LRRC4C: variants seen among roughly 807,000 people sequenced by gnomAD.
LRRC4C encodes the protein leucine-rich repeat-containing protein 4C.
Under a neutral mutation model 33.6 loss-of-function variants are expected in LRRC4C, and 5 were observed. The observed-to-expected ratio is 0.15, with a 90% CI of 0.08 to 0.31. The LOEUF is 0.31. Ranked by LOEUF, LRRC4C falls within the 10% of genes least tolerant of loss-of-function variation. LRRC4C has a pLI of 1.00. For synonymous variants in LRRC4C, 329 were observed against 302.0 expected (o/e 1.09, Z -0.93); for missense variants, 560 against 796.7 (o/e 0.70, Z 3.58).
At chr11:40,150,138 CCTT>C (rs1243090185) in intron 5 of LRRC4C, among the ~76,000 whole-genome samples, 4 of 152,098 alleles carry the variant, frequency 2.6e-5, no homozygotes, top group Non-Finnish European at 5.9e-5. Flanking sequence ...CCCATATGGC[CCTT>C]CTTCTCTTCT....
chr11:40,702,836 T>C (rs1249654320), intron 2 of LRRC4C, among the ~76,000 whole-genome samples: 1 of 152,064 alleles, frequency 6.6e-6, no homozygotes, highest in African/African-American at 2.4e-5. Flanking sequence ...TGCTTAACAT[T>C]GAATTCAATA....
chr11:40,980,047 GA>G (rs1306586469), intron 1 of LRRC4C, among the ~76,000 whole-genome samples: 11 of 152,144 alleles, frequency 7.2e-5, no homozygotes, highest in African/African-American at 2.4e-4. Flanking sequence ...GAAATGAAAG[GA>G]AAGTGTCTGT....
intron 1 of LRRC4C, among the ~76,000 whole-genome samples, chr11:41,101,366 A>G (rs1179430589): frequency 6.6e-6 from 1 of 152,210 alleles, no homozygotes; most frequent in East Asian, 1.9e-4. Flanking sequence ...TCAAAAGGAG[A>G]TATACATGTG....
intron 1 of LRRC4C, among the ~76,000 whole-genome samples, chr11:41,353,656 CA>C (rs1952059590): frequency 1.3e-5 from 2 of 152,120 alleles, no homozygotes; most frequent in Non-Finnish European, 2.9e-5. Flanking sequence ...AGCAGCACAT[CA>C]AAAAGCTAAT....
At chr11:41,308,769 C>T (rs2137161023) in intron 1 of LRRC4C, among the ~76,000 whole-genome samples, 1 of 151,286 alleles carries the variant, frequency 6.6e-6, no homozygotes. Flanking sequence ...CAAACGCAAA[C>T]AGTGCAGGAA....
At chr11:40,427,664 C>CA (rs1391913316) in intron 3 of LRRC4C, among the ~76,000 whole-genome samples, 3 of 151,804 alleles carry the variant, frequency 2.0e-5, no homozygotes, top group Non-Finnish European at 4.4e-5. Flanking sequence ...CCTGTCTCTA[C>CA]AAAAAATACA....
chr11:40,612,850 T>C (rs1015177975), intron 3 of LRRC4C, among the ~76,000 whole-genome samples: 1 of 151,874 alleles, frequency 6.6e-6, no homozygotes, highest in East Asian at 1.9e-4. Context: ...AAAGCAAATA[T>C]AGCAATAAAG....
At chr11:40,359,033 C>G (rs1947820941) in intron 3 of LRRC4C, among the ~76,000 whole-genome samples, 1 of 152,078 alleles carries the variant, frequency 6.6e-6, no homozygotes, top group African/African-American at 2.4e-5. Flanking sequence ...TAATCTCCTT[C>G]TGTTTAACAA....
At chr11:40,836,927 A>G (rs1175710268) in intron 2 of LRRC4C, among the ~76,000 whole-genome samples, 2 of 152,106 alleles carry the variant, frequency 1.3e-5, no homozygotes, top group South Asian at 2.1e-4. Context: ...CAGTTCCTCA[A>G]CATCACAGGA....
At chr11:40,758,654 A>G (rs75810062) in intron 2 of LRRC4C, among the ~76,000 whole-genome samples, 3,349 of 152,106 alleles carry the variant, frequency 0.022, 119 homozygotes, top group African/African-American at 0.077. Context: ...AGACTCTAGA[A>G]AAAGGAAGAT....
At chr11:40,910,667 T>A (rs1222708567) in intron 2 of LRRC4C, among the ~76,000 whole-genome samples, 1 of 152,090 alleles carries the variant, frequency 6.6e-6, no homozygotes, top group Non-Finnish European at 1.5e-5. Context: ...AGGTACCAGG[T>A]TCATCTCACT....
intron 2 of LRRC4C, among the ~76,000 whole-genome samples, chr11:40,884,780 AT>A (rs1270888912): frequency 6.8e-6 from 1 of 146,470 alleles, no homozygotes; most frequent in African/African-American, 2.5e-5. Flanking sequence ...AAGTGTAGAT[AT>A]TGGTAGAGTT....
chr11:40,316,163 C>A (rs919485272), intron 4 of LRRC4C, among the ~76,000 whole-genome samples: 2 of 152,002 alleles, frequency 1.3e-5, no homozygotes, highest in African/African-American at 4.8e-5. Context: ...TTTCAGTTCT[C>A]TTTAGATTGG....
At chr11:40,692,128 C>T (rs776263851) in intron 2 of LRRC4C, among the ~76,000 whole-genome samples, 1 of 151,980 alleles carries the variant, frequency 6.6e-6, no homozygotes, top group Non-Finnish European at 1.5e-5. Flanking sequence ...GTGTATGATA[C>T]AGATTGAGCA....
chr11:40,142,702 G>A (rs775783678), intron 5 of LRRC4C, among the ~76,000 whole-genome samples: 1 of 151,812 alleles, frequency 6.6e-6, no homozygotes, highest in Non-Finnish European at 1.5e-5. Flanking sequence ...ACCTTGGAGT[G>A]CCCCAGGTCT....
chr11:41,008,798 C>T (rs192628024), intron 1 of LRRC4C, among the ~76,000 whole-genome samples: 24 of 152,052 alleles, frequency 1.6e-4, no homozygotes, highest in African/African-American at 5.5e-4. Context: ...GGTTTTTCTG[C>T]CCTAGTTCCT....
At chr11:41,325,281 T>C (rs942055825) in intron 1 of LRRC4C, among the ~76,000 whole-genome samples, 3 of 152,188 alleles carry the variant, frequency 2.0e-5, no homozygotes, top group African/African-American at 7.2e-5. Context: ...AATACTTTAA[T>C]CCACTTTTAA....
chr11:41,154,413 G>A (rs940479470), intron 1 of LRRC4C, among the ~76,000 whole-genome samples: 2 of 151,624 alleles, frequency 1.3e-5, no homozygotes, highest in Admixed American at 6.6e-5. Flanking sequence ...TTGGTATTTA[G>A]TTCTATCATT....
At chr11:40,937,647 G>T (rs564848354) in intron 1 of LRRC4C, among the ~76,000 whole-genome samples, 47 of 145,778 alleles carry the variant, frequency 3.2e-4, no homozygotes, top group Admixed American at 5.6e-4. Flanking sequence ...GTGTGTGTAG[G>T]GTGGTTGTTG....
Sources: allele counts gnomAD v4.1 joint callset (sites outside exome capture counted in the v4.1 genomes callset), GRCh38; gene constraint gnomAD v4.1.1; transcripts MANE v1.5; gene names NCBI Gene and HGNC (gene_info 2026-07-23, HGNC 2026-07-21).